The following OXCT1 variants were observed in gnomAD, a reference collection of about 807,000 sequenced individuals.
OXCT1 encodes the protein succinyl-CoA:3-ketoacid coenzyme A transferase 1, mitochondrial.
OXCT1 carries 27 observed loss-of-function variants against 69.6 expected under a neutral mutation model. The observed-to-expected ratio is 0.39, with a 90% confidence interval of 0.29 to 0.54. OXCT1 has a LOEUF of 0.54. Ranked by LOEUF, OXCT1 falls within the 20% of genes least tolerant of loss-of-function variation. The probability of loss-of-function intolerance (pLI) is 0.72; values close to 1 mark genes in which losing one functional copy is unlikely to be tolerated. For synonymous variants in OXCT1, 202 were observed against 217.8 expected, an observed-to-expected ratio of 0.93 and a Z score of 0.64; for missense variants, 437 against 650.2, an observed-to-expected ratio of 0.67 and a Z score of 3.57.
In OXCT1 at chr5:41,870,022, T is replaced by TAAAAAATG; in HGVS notation, c.78+258_78+259insCATTTTTT. ...CGCTGCCAGGAGTCCTCCCGCCCCT[T>TAAAAAATG]CTCAGCCTCTCCGCGCGCTTCTTTA... On this transcript the variant is annotated intron_variant, in intron 1 of 16. Transcript: ENST00000196371. This position sits in a 1 kb window ranked among gnomAD's most constrained non-coding sequence, Gnocchi z 4.2. 1.9e-6 allele frequency: 1 copy of TAAAAAATG among 518,868 alleles called. No individual in the cohort carries two copies. The highest frequency in any genetic ancestry group is 3.5e-5 in the East Asian group (1 of 28,920). 32.1% of individuals were successfully genotyped at this position (518,868 alleles called of 1,614,324 possible).
chr5:41,802,815 G>A (rs1365396726), intron 10 of OXCT1, among the ~76,000 whole-genome samples: 1 of 151,964 alleles, frequency 6.6e-6, no homozygotes, highest in East Asian at 1.9e-4. Flanking sequence ...TACATTTTAA[G>A]GGAAAAATTA....
At chr5:41,809,203 G>A (rs1302047277) in intron 7 of OXCT1, among the ~76,000 whole-genome samples, 5 of 151,982 alleles carry the variant, frequency 3.3e-5, no homozygotes, top group Admixed American at 2.6e-4. Flanking sequence ...GGAAACACAC[G>A]GAAATGCTAA....
At chr5:41,855,014 T>C (rs186561618) in intron 3 of OXCT1, among the ~76,000 whole-genome samples, 4 of 152,154 alleles carry the variant, frequency 2.6e-5, no homozygotes, top group South Asian at 2.1e-4. Context: ...ATGGCCAAAA[T>C]TGGAGCCTCC....
At chr5:41,776,145 C>G (rs1320478976) in intron 13 of OXCT1, among the ~76,000 whole-genome samples, 1 of 152,204 alleles carries the variant, frequency 6.6e-6, no homozygotes, top group Non-Finnish European at 1.5e-5. Flanking sequence ...AAACCCATAA[C>G]CCACATCTAA....
At chr5:41,844,618 G>C (rs992642282) in intron 5 of OXCT1, among the ~76,000 whole-genome samples, 2 of 151,668 alleles carry the variant, frequency 1.3e-5, no homozygotes, top group Non-Finnish European at 2.9e-5. Context: ...CTCTATCCTG[G>C]CTCTAGACTC....
chr5:41,804,620 T>G (rs552510634), intron 9 of OXCT1, among the ~76,000 whole-genome samples: 1 of 152,214 alleles, frequency 6.6e-6, no homozygotes, highest in East Asian at 1.9e-4. Context: ...ATACAAGAAC[T>G]GGAAGAGCAG....
intron 10 of OXCT1, among the ~76,000 whole-genome samples, chr5:41,802,614 G>A (rs987306349): frequency 2.6e-5 from 4 of 151,964 alleles, no homozygotes; most frequent in African/African-American, 9.7e-5. Flanking sequence ...TCACTCTGAG[G>A]CTTACTTAAT....
At position 41,762,797 on chromosome 5, in the gene OXCT1, T is replaced by G. The variant is rs1744410628; in HGVS notation, c.1249-597A>C. Among the ~76,000 whole-genome samples, 1 of 151,726 alleles carries G rather than the reference T, an allele frequency of 6.6e-6. No homozygotes were observed. The highest frequency in any genetic ancestry group is 2.4e-5 in the African/African-American group (1 of 41,306). ...GCAAAAACAGAACACAGAAACAGAG[T>G]TCAGGATCATTTCACCATTATCATT... is the stretch of plus-strand genomic sequence containing the variant. On this transcript the variant is annotated intron_variant, in intron 13 of 16. Coordinates refer to ENST00000196371, the MANE Select transcript of OXCT1 (RefSeq NM_000436.4). The surrounding 1 kb of genome is among the most constrained non-coding windows in gnomAD (Gnocchi z 4.0).
At chr5:41,833,537 AAAG>A (rs1046046865) in intron 7 of OXCT1, among the ~76,000 whole-genome samples, 21 of 151,914 alleles carry the variant, frequency 1.4e-4, no homozygotes, top group Non-Finnish European at 2.8e-4. Flanking sequence ...AAAAAAAAAA[AAAG>A]AATGTTAATG....
At chr5:41,856,003 T>A (rs1166273053) in intron 3 of OXCT1, among the ~76,000 whole-genome samples, 1 of 152,050 alleles carries the variant, frequency 6.6e-6, no homozygotes, top group Non-Finnish European at 1.5e-5. Flanking sequence ...GTTCCTGGAG[T>A]ATGGACTGAG....
intron 15 of OXCT1, 80 bp from the exon 16 acceptor site, chr5:41,739,571 G>A (rs987811069): frequency 1.8e-5 from 20 of 1,130,618 alleles, no homozygotes; most frequent in African/African-American, 9.1e-5. Context: ...AAATAACCTC[G>A]CAAGTTCGAC....
intron 5 of OXCT1, among the ~76,000 whole-genome samples, chr5:41,844,406 C>T (rs182392838): frequency 1.3e-5 from 2 of 152,050 alleles, no homozygotes; most frequent in Non-Finnish European, 2.9e-5. Flanking sequence ...TTGATCATTC[C>T]CTTCTTTTTA....
chr5:41,847,264 G>T (rs1249480267), intron 5 of OXCT1, among the ~76,000 whole-genome samples: 2 of 151,916 alleles, frequency 1.3e-5, no homozygotes, highest in East Asian at 1.9e-4. Flanking sequence ...CCAATAACAG[G>T]ATCTGAAATT....
intron 15 of OXCT1, 72 bp downstream of exon 15, chr5:41,749,455 T>A: frequency 1.1e-6 from 1 of 885,766 alleles, no homozygotes; most frequent in Non-Finnish European, 1.9e-6. Context: ...TGTAATACAC[T>A]CTTAGAAGGT....
intron 7 of OXCT1, among the ~76,000 whole-genome samples, chr5:41,840,188 A>C (rs1258362235): frequency 6.6e-6 from 1 of 152,228 alleles, no homozygotes; most frequent in African/African-American, 2.4e-5. Context: ...ATTTCATTTA[A>C]GGATCAAAAG....
At chr5:41,786,957 A>G (rs1408334323) in intron 13 of OXCT1, among the ~76,000 whole-genome samples, 1 of 152,240 alleles carries the variant, frequency 6.6e-6, no homozygotes, top group Non-Finnish European at 1.5e-5. Flanking sequence ...AAGAGAGAAA[A>G]TGATTAAATG....
chr5:41,869,512 T>G (rs889075233), intron 1 of OXCT1, among the ~76,000 whole-genome samples: 2 of 152,110 alleles, frequency 1.3e-5, no homozygotes, highest in East Asian at 1.9e-4. Context: ...TACCACTCGG[T>G]GGAGAGTCGG....
intron 13 of OXCT1, among the ~76,000 whole-genome samples, chr5:41,792,618 T>C (rs533545279): frequency 2.8e-4 from 42 of 152,356 alleles, no homozygotes; most frequent in Non-Finnish European, 5.4e-4. Flanking sequence ...CACTGTACGA[T>C]GCTCAGGAGA....
At chr5:41,775,764 T>C (rs1297029313) in intron 13 of OXCT1, among the ~76,000 whole-genome samples, 1 of 152,018 alleles carries the variant, frequency 6.6e-6, no homozygotes, top group African/African-American at 2.4e-5. Flanking sequence ...TAAATTCAGG[T>C]ATGGTTGAAA....
Sources: allele counts gnomAD v4.1 joint callset (sites outside exome capture counted in the v4.1 genomes callset), GRCh38; gene constraint gnomAD v4.1.1; non-coding constraint Gnocchi (gnomAD v3.1); transcripts MANE v1.5; gene names NCBI Gene and HGNC (gene_info 2026-07-23, HGNC 2026-07-21).